HYDIN: variants seen among roughly 807,000 people sequenced by gnomAD.
The protein encoded by HYDIN is HYDIN axonemal central pair apparatus protein, also known as axonemal central pair apparatus protein HYDIN.
In HYDIN, 132 loss-of-function variants were observed where a neutral mutation model predicts 403.9. The observed-to-expected ratio is 0.33, with a 90% confidence interval of 0.28 to 0.38. The LOEUF (loss-of-function observed/expected upper bound fraction) is 0.38. Ranked by LOEUF, HYDIN falls within the 10% of genes least tolerant of loss-of-function variation. The pLI, the probability that HYDIN is intolerant of heterozygous loss-of-function variation, is 1.00. For synonymous variants in HYDIN, 1,202 were observed against 1,891.7 expected, an observed-to-expected ratio of 0.64 and a Z score of 9.46; for missense variants, 2,827 against 5,009.5, an observed-to-expected ratio of 0.56 and a Z score of 13.15.
intron 58 of HYDIN, among the ~76,000 whole-genome samples, chr16:70,888,638 T>C (rs563213448): frequency 2.0e-5 from 3 of 151,620 alleles, no homozygotes; most frequent in Non-Finnish European, 2.9e-5. Flanking sequence ...TGGTTCCCCA[T>C]GTGGTATCTC....
In HYDIN at chr16:70,892,518, T is replaced by C; in HGVS notation, c.9260A>G (p.Asp3087Gly). The C allele has an allele frequency of 6.2e-7, 1 of 1,602,346 alleles. No individual in the cohort carries two copies. Among genetic ancestry groups the C allele is most frequent in the Non-Finnish European group, 8.5e-7 (1 of 1,175,478 alleles). ...KYEIAFSFSVDSVGISTPNIN... is the reference protein window; with the variant it reads ...KYEIAFSFSVGSVGISTPNIN... ...ATTAGGTGTTGAAATCCCTACAGAG[T>C]CCACGGAAAAGCTGAAAGACAAGAA... The change falls in exon 56 of 86, where the codon GAC (aspartate) becomes GGC (glycine). Residue 3087 changes from aspartate (D) to glycine (G), a missense_variant. Coordinates refer to ENST00000393567, the MANE Select transcript of HYDIN (RefSeq NM_001270974.2).
intron 18 of HYDIN, among the ~76,000 whole-genome samples, chr16:71,041,046 T>G (rs1568041736): frequency 6.6e-6 from 1 of 150,698 alleles, no homozygotes; most frequent in Non-Finnish European, 1.5e-5. Flanking sequence ...AGAAGGAAAC[T>G]ATTTTGTTTA....
chr16:71,221,154 T>A (rs2089178954), intron 1 of HYDIN, among the ~76,000 whole-genome samples: 1 of 151,890 alleles, frequency 6.6e-6, no homozygotes, highest in African/African-American at 2.4e-5. Context: ...TCCAAAGGTG[T>A]ACACTTTCAA....
intron 29 of HYDIN, among the ~76,000 whole-genome samples, chr16:70,979,293 CTTGAAGTTAGTTACAT>C (rs1360256911): frequency 6.8e-4 from 100 of 147,022 alleles, no homozygotes; most frequent in African/African-American, 2.6e-3. Flanking sequence ...TTCTCCAGAA[CTTGAAGTTAGTTACAT>C]TTGAAGACAC....
intron 10 of HYDIN, among the ~76,000 whole-genome samples, chr16:71,100,019 T>G (rs2144404826): frequency 6.6e-6 from 1 of 151,910 alleles, no homozygotes; most frequent in East Asian, 1.9e-4. Flanking sequence ...ATAAATAAAA[T>G]AAAATAAACA....
rs2086546597 is a variant in HYDIN, at chr16:71,173,462, A to G, written c.516+2145T>C. ...TCATATTTATAAACTACATAGCAAC[A>G]TATTTTAAATACATTTCAACTATTT... On this transcript the variant is annotated intron_variant, in intron 5 of 85. Transcript: ENST00000393567. 2.0e-5 allele frequency among the ~76,000 whole-genome samples: 3 copies of G among 152,332 alleles called. No individual in the cohort carries two copies. The South Asian group carries it at 6.2e-4, about 32-fold the overall frequency.
At chr16:70,972,867 A>C (rs1462192599) in intron 35 of HYDIN, among the ~76,000 whole-genome samples, 1 of 152,274 alleles carries the variant, frequency 6.6e-6, no homozygotes, top group Non-Finnish European at 1.5e-5. Flanking sequence ...AAGTTGTACA[A>C]ATAAAGGTTA....
rs201092966 is a variant in HYDIN, at chr16:71,027,701, A to G, written c.2943T>C (p.Asp981=). 1,675 of 1,580,874 alleles carry G rather than the reference A, an allele frequency of 1.1e-3. 2 individuals are homozygous for G. The highest frequency in any genetic ancestry group is 3.0e-3 in the Admixed American group (171 of 56,934). ...PQPSGSQEPR[D]PQSPVFHLHP... ...GGAGATGAAACACGGGGCTCTGTGG[A>G]TCCCTGGGCTCCTGAGAGCCACTGG... Residue 981 remains aspartate (D), a synonymous_variant, in exon 20 of 86, where the codon GAT becomes GAC. Coordinates refer to ENST00000393567, the MANE Select transcript of HYDIN (RefSeq NM_001270974.2).
intron 1 of HYDIN, among the ~76,000 whole-genome samples, chr16:71,196,197 T>C (rs1598004393): frequency 6.6e-6 from 1 of 152,228 alleles, no homozygotes; most frequent in East Asian, 1.9e-4. Flanking sequence ...ATGTGTCAAC[T>C]TGACTGGGAC....
intron 18 of HYDIN, among the ~76,000 whole-genome samples, chr16:71,058,783 C>T (rs1271350307): frequency 6.6e-6 from 1 of 152,034 alleles, no homozygotes; most frequent in Admixed American, 6.5e-5. Flanking sequence ...TGAACGGCAT[C>T]AGTCCACTTT....
rs927547808 is a variant in HYDIN at position 70,828,872 on chromosome 16, G to C, written c.14113-443C>G. 2.0e-5 allele frequency among the ~76,000 whole-genome samples: 3 copies of C among 147,142 alleles called. No homozygotes were observed. In the Admixed American group the frequency reaches 2.0e-4, roughly 10 times the overall value. Reference sequence around the variant, plus strand: ...TGAAAACAAACTGAATGTAAAATTGGGTATGTTATGATGATAGTTATGGCT... The same window carrying C: ...TGAAAACAAACTGAATGTAAAATTGCGTATGTTATGATGATAGTTATGGCT... On this transcript the variant is annotated intron_variant, in intron 81 of 85. Transcript: ENST00000393567.
At chr16:71,100,160 TA>T (rs2083412700) in intron 10 of HYDIN, among the ~76,000 whole-genome samples, 1 of 152,106 alleles carries the variant, frequency 6.6e-6, no homozygotes, top group Non-Finnish European at 1.5e-5. Context: ...TACGTAAAAA[TA>T]AATCAACAAA....
At chr16:71,188,624 C>T (rs1155052) in intron 1 of HYDIN, among the ~76,000 whole-genome samples, 52,677 of 151,960 alleles carry the variant, frequency 0.35, 9,585 homozygotes, top group East Asian at 0.57. Context: ...CCATATAAAG[C>T]AGAAATTATG....
At chr16:70,876,716 CTG>C (rs2040469367) in intron 62 of HYDIN, among the ~76,000 whole-genome samples, 1 of 136,726 alleles carries the variant, frequency 7.3e-6, no homozygotes, top group Non-Finnish European at 1.6e-5. Flanking sequence ...AAAATTGCCT[CTG>C]AAGAAAAATA....
chr16:71,176,884 C>T (rs993203591), intron 4 of HYDIN, among the ~76,000 whole-genome samples: 3 of 152,126 alleles, frequency 2.0e-5, no homozygotes, highest in South Asian at 4.1e-4. Context: ...TTGTACCCCA[C>T]GACAGTGAGG....
intron 5 of HYDIN, among the ~76,000 whole-genome samples, chr16:71,173,921 A>G (rs1356670911): frequency 2.0e-5 from 3 of 152,286 alleles, no homozygotes; most frequent in African/African-American, 7.2e-5. Flanking sequence ...CAAATCCAGC[A>G]TGCTTTGTAT....
Position 71,186,926 on chromosome 16 carries a change from T to C in HYDIN, c.-23-8A>G. The stretch of plus-strand genomic sequence containing the variant: ...GTAATTTTTTTTTCTCACCTAAGAG[T>C]GAAACAAAAATGTCTTAGAACAAAT... On this transcript the variant is annotated splice_polypyrimidine_tract_variant and splice_region_variant and intron_variant, in intron 1 of 85. Coordinates refer to ENST00000393567, the MANE Select transcript of HYDIN (RefSeq NM_001270974.2). 1 of 1,580,760 alleles carries C rather than the reference T, an allele frequency of 6.3e-7. No individual in the cohort carries two copies. Among genetic ancestry groups the C allele is most frequent in the Non-Finnish European group, 8.6e-7 (1 of 1,160,362 alleles).
At chr16:71,205,295 C>A (rs1038476325) in intron 1 of HYDIN, among the ~76,000 whole-genome samples, 6 of 152,334 alleles carry the variant, frequency 3.9e-5, no homozygotes, top group African/African-American at 1.4e-4. Context: ...CAAAGCTGCG[C>A]ACCAGCCTGT....
chr16:71,135,262 A>T (rs1280066003), intron 8 of HYDIN, among the ~76,000 whole-genome samples: 1 of 152,156 alleles, frequency 6.6e-6, no homozygotes, highest in African/African-American at 2.4e-5. Flanking sequence ...AGAATAAAAG[A>T]CAATATTAAA....
Sources: gnomAD v4.1 joint callset for allele counts (sites outside exome capture counted in the v4.1 genomes callset) on GRCh38, gnomAD v4.1.1 for gene constraint, MANE v1.5 for transcripts, NCBI Gene and HGNC (gene_info 2026-07-23, HGNC 2026-07-21) for gene names.